TENM4: variants seen among roughly 807,000 people sequenced by gnomAD.
TENM4 encodes the protein teneurin-4.
A neutral mutation model predicts 243.3 loss-of-function variants in TENM4; 82 were observed. The observed-to-expected ratio is 0.34, with a 90% CI of 0.28 to 0.40. The LOEUF is 0.40. Ranked by LOEUF, TENM4 falls within the 10% of genes least tolerant of loss-of-function variation. The pLI is 1.00. For missense variants in TENM4, 3,138 were observed against 3,673.3 expected (o/e 0.85, Z 3.77); for synonymous variants, 1,412 against 1,456.3 (o/e 0.97, Z 0.69).
chr11:79,033,462 G>A (rs529628568), intron 6 of TENM4, among the ~76,000 whole-genome samples: 1 of 152,320 alleles, frequency 6.6e-6, no homozygotes, highest in Admixed American at 6.5e-5. Context: ...CACAGGGTTA[G>A]TCCTCCCAAC....
At chr11:79,033,093 C>A (rs1174602978) in intron 6 of TENM4, among the ~76,000 whole-genome samples, 1 of 152,108 alleles carries the variant, frequency 6.6e-6, no homozygotes, top group East Asian at 1.9e-4. Context: ...TATCCCCACT[C>A]CTCAGGGAAG....
chr11:79,343,012 T>TG (rs1243820010), intron 1 of TENM4, among the ~76,000 whole-genome samples: 1 of 152,236 alleles, frequency 6.6e-6, no homozygotes, highest in Non-Finnish European at 1.5e-5. Context: ...TGACTCTCCA[T>TG]GGCCTGGTGG....
intron 26 of TENM4, among the ~76,000 whole-genome samples, chr11:78,708,941 A>ACCATTTTT (rs58300021): frequency 0.24 from 34,790 of 147,096 alleles, 4,756 homozygotes; most frequent in African/African-American, 0.37. Flanking sequence ...CTTTTTGGTA[A>ACCATTTTT]CCATTTTTCT....
At chr11:79,357,314 C>T (rs962663702) in intron 1 of TENM4, among the ~76,000 whole-genome samples, 21 of 152,216 alleles carry the variant, frequency 1.4e-4, no homozygotes, top group Admixed American at 1.3e-4. Flanking sequence ...AGATTTGGTT[C>T]AGAATATTTC....
intron 15 of TENM4, among the ~76,000 whole-genome samples, chr11:78,788,417 T>C (rs1038542014): frequency 6.6e-6 from 1 of 152,250 alleles, no homozygotes; most frequent in Non-Finnish European, 1.5e-5. Context: ...AAGGGACATC[T>C]CTGACCTGGA....
chr11:79,248,282 T>A (rs1855554263), intron 2 of TENM4, among the ~76,000 whole-genome samples: 1 of 152,152 alleles, frequency 6.6e-6, no homozygotes, highest in African/African-American at 2.4e-5. Flanking sequence ...CCTACATGAT[T>A]CAGGAGTTAG....
At position 79,040,182 on chromosome 11, in the gene TENM4, G is replaced by A. The variant is rs189895528; in HGVS notation, c.493+24556C>T. Among the ~76,000 whole-genome samples, 167 of 152,282 alleles carry A rather than the reference G, an allele frequency of 1.1e-3. 1 individual carries two copies. The highest frequency in any genetic ancestry group is 3.8e-3 in the African/African-American group (158 of 41,550). ...AGTGCAGACCCGGTGCAAGGATGTT[G>A]GGAAGTAACTTTGTCTCTGAGCTTC... On this transcript the variant is annotated intron_variant, in intron 6 of 33. Transcript: ENST00000278550.
intron 5 of TENM4, among the ~76,000 whole-genome samples, chr11:79,065,670 A>T (rs1172012113): frequency 6.6e-6 from 1 of 152,174 alleles, no homozygotes; most frequent in African/African-American, 2.4e-5. Context: ...AGTCAGCCTC[A>T]CACCAGGAAA....
intron 4 of TENM4, among the ~76,000 whole-genome samples, chr11:79,135,600 C>T (rs567709777): frequency 6.6e-6 from 1 of 150,612 alleles, no homozygotes; most frequent in South Asian, 2.1e-4. Context: ...AGAACCAGCC[C>T]AAATGCCCAT....
At chr11:79,338,199 A>AGTCCCAGCAT (rs1857185068) in intron 1 of TENM4, among the ~76,000 whole-genome samples, 1 of 152,348 alleles carries the variant, frequency 6.6e-6, no homozygotes, top group East Asian at 1.9e-4. Context: ...TCAATTAAGC[A>AGTCCCAGCAT]GTCCCAGCAT....
intron 2 of TENM4, among the ~76,000 whole-genome samples, chr11:79,230,274 C>A (rs2135259216): frequency 6.6e-6 from 1 of 152,306 alleles, no homozygotes; most frequent in African/African-American, 2.4e-5. Flanking sequence ...AGGAGTATCT[C>A]CATGTGGCTG....
chr11:79,330,034 C>A (rs1051948032), intron 1 of TENM4, among the ~76,000 whole-genome samples: 1 of 152,130 alleles, frequency 6.6e-6, no homozygotes, highest in Non-Finnish European at 1.5e-5. Flanking sequence ...GAGAGAGATC[C>A]GGGCAATGGT....
At chr11:79,026,300 C>G (rs377425737) in intron 6 of TENM4, among the ~76,000 whole-genome samples, 1 of 152,190 alleles carries the variant, frequency 6.6e-6, no homozygotes. Flanking sequence ...TTCAACCAGG[C>G]ACTGTTATCT....
intron 18 of TENM4, among the ~76,000 whole-genome samples, chr11:78,759,708 G>A (rs1856389891): frequency 6.6e-6 from 1 of 152,186 alleles, no homozygotes; most frequent in African/African-American, 2.4e-5. Context: ...CACATTTATT[G>A]AGTGCCAGGC....
At chr11:79,109,704 C>T (rs930005194) in intron 4 of TENM4, among the ~76,000 whole-genome samples, 4 of 152,224 alleles carry the variant, frequency 2.6e-5, no homozygotes, top group Non-Finnish European at 5.9e-5. Context: ...AAGTTCTGAA[C>T]CCGCTGCCTT....
chr11:78,970,570 T>C (rs1257643905), intron 6 of TENM4, among the ~76,000 whole-genome samples: 1 of 152,218 alleles, frequency 6.6e-6, no homozygotes, highest in African/African-American at 2.4e-5. Context: ...TCTGTAGCAA[T>C]GGAATAGTGG....
chr11:79,197,650 G>A (rs147553761), intron 3 of TENM4, among the ~76,000 whole-genome samples: 55 of 152,180 alleles, frequency 3.6e-4, no homozygotes, highest in Non-Finnish European at 4.0e-4. Flanking sequence ...TGATGTTCAG[G>A]GCATAAAGGG....
At chr11:79,019,176 C>T (rs1241920786) in intron 6 of TENM4, among the ~76,000 whole-genome samples, 1 of 152,232 alleles carries the variant, frequency 6.6e-6, no homozygotes, top group Non-Finnish European at 1.5e-5. Context: ...CCTGTTTGTA[C>T]TGAAGACAGT....
chr11:79,127,642 G>A (rs919903646), intron 4 of TENM4, among the ~76,000 whole-genome samples: 5 of 152,158 alleles, frequency 3.3e-5, no homozygotes, highest in Admixed American at 6.5e-5. Context: ...AATCTTATTC[G>A]GGGAGACCTT....
Sources: allele counts gnomAD v4.1 joint callset (sites outside exome capture counted in the v4.1 genomes callset), GRCh38; gene constraint gnomAD v4.1.1; transcripts MANE v1.5; gene names NCBI Gene and HGNC (gene_info 2026-07-23, HGNC 2026-07-21).